Variants in ANKRD30BL observed in about 807,000 individuals in gnomAD.
The protein encoded by ANKRD30BL is ankyrin repeat domain 30B like.
Under a neutral mutation model 18.4 loss-of-function variants are expected in ANKRD30BL, and 20 were observed. The observed-to-expected ratio is 1.09, with a 90% CI of 0.77 to 1.58. The LOEUF (loss-of-function observed/expected upper bound fraction) is 1.58. Among genes scored for constraint, ANKRD30BL ranks in the 40% most tolerant of loss-of-function variants. ANKRD30BL has a pLI of 0.00. For missense variants in ANKRD30BL, 224 were observed against 268.6 expected (o/e 0.83, Z 1.16); for synonymous variants, 72 against 100.9 (o/e 0.71, Z 1.72).
intron 1 of ANKRD30BL, among the ~76,000 whole-genome samples, chr2:132,234,815 A>G (rs985679962): frequency 1.7e-4 from 26 of 152,188 alleles, no homozygotes; most frequent in African/African-American, 6.3e-4. Flanking sequence ...AAAAAGAGGG[A>G]ATCCTCCCTA....
intron 1 of ANKRD30BL, among the ~76,000 whole-genome samples, chr2:132,217,075 G>T (rs1679525407): frequency 6.6e-6 from 1 of 151,494 alleles, no homozygotes; most frequent in Non-Finnish European, 1.5e-5. Flanking sequence ...GAGACCTATG[G>T]TGGAAAAGGA....
intron 1 of ANKRD30BL, among the ~76,000 whole-genome samples, chr2:132,158,979 A>C (rs571373152): frequency 3.0e-4 from 45 of 152,124 alleles, no homozygotes; most frequent in South Asian, 6.2e-4. Flanking sequence ...TGCTCTTCCC[A>C]AAAATTTTTC....
chr2:132,157,279 C>A, intron 2 of ANKRD30BL, 30 bp downstream of exon 2: 1 of 844,598 alleles, frequency 1.2e-6, no homozygotes, highest in Non-Finnish European at 2.0e-6. Flanking sequence ...CCAAATCCAT[C>A]TCCTGCTGAA....
At chr2:132,156,058 A>G (rs746068534) in intron 3 of ANKRD30BL, 1 of 151,972 alleles carries the variant, frequency 6.6e-6, no homozygotes, top group African/African-American at 2.4e-5. Context: ...TTTTTTGGCA[A>G]AATATCAGAA....
At chr2:132,255,958 G>T (rs1438877520) in intron 1 of ANKRD30BL, among the ~76,000 whole-genome samples, 1 of 152,186 alleles carries the variant, frequency 6.6e-6, no homozygotes, top group African/African-American at 2.4e-5. Flanking sequence ...GGGCTGACTG[G>T]GTTGGTTTTG....
At chr2:132,161,432 ATCCTCCCACAGCC>A in intron 1 of ANKRD30BL, 43 bp downstream of exon 1, 1 of 1,398,874 alleles carries the variant, frequency 7.1e-7, no homozygotes, top group Non-Finnish European at 9.8e-7. Context: ...TGAAGGGGCG[ATCCTCCCACAGCC>A]TCCTCCTCCT....
chr2:132,182,827 G>C (rs80167820), intron 1 of ANKRD30BL, among the ~76,000 whole-genome samples: 1 of 151,984 alleles, frequency 6.6e-6, no homozygotes, highest in Non-Finnish European at 1.5e-5. Context: ...ATATGTGAAG[G>C]TACCACATTT....
chr2:132,246,007 G>T (rs563796405), intron 1 of ANKRD30BL, among the ~76,000 whole-genome samples: 7 of 150,400 alleles, frequency 4.7e-5, no homozygotes, highest in South Asian at 2.1e-4. Context: ...TGTGATGTGC[G>T]TACTCCAACT....
chr2:132,164,431 C>CT (rs1387048404), upstream of ANKRD30BL, among the ~76,000 whole-genome samples: 3 of 152,070 alleles, frequency 2.0e-5, no homozygotes, highest in East Asian at 5.8e-4. Context: ...GCTGGGATTA[C>CT]AGGCACCCGC....
chr2:132,195,565 T>C (rs1349354458), intron 1 of ANKRD30BL, among the ~76,000 whole-genome samples: 2 of 151,388 alleles, frequency 1.3e-5, no homozygotes, highest in Non-Finnish European at 2.9e-5. Context: ...CTGAGATGGG[T>C]AAATCATCTG....
At chr2:132,200,994 A>G (rs958937314) in intron 1 of ANKRD30BL, among the ~76,000 whole-genome samples, 3 of 152,308 alleles carry the variant, frequency 2.0e-5, no homozygotes, top group Admixed American at 6.5e-5. Flanking sequence ...GATGCCACAT[A>G]TCTACAACTA....
chr2:132,194,649 T>A (rs1158973797), intron 1 of ANKRD30BL, among the ~76,000 whole-genome samples: 1 of 152,248 alleles, frequency 6.6e-6, no homozygotes, highest in Non-Finnish European at 1.5e-5. Flanking sequence ...ATCTGCACCT[T>A]AGTCTGAAGA....
At chr2:132,235,642 G>T (rs746447439) in intron 1 of ANKRD30BL, among the ~76,000 whole-genome samples, 3 of 152,164 alleles carry the variant, frequency 2.0e-5, no homozygotes, top group Non-Finnish European at 2.9e-5. Flanking sequence ...GGATGTGAAG[G>T]AACTCTTCAA....
At chr2:132,217,544 A>C (rs556468771) in intron 1 of ANKRD30BL, among the ~76,000 whole-genome samples, 1 of 151,672 alleles carries the variant, frequency 6.6e-6, no homozygotes, top group Non-Finnish European at 1.5e-5. Context: ...ACACTCTTTT[A>C]GTAGAATCTG....
chr2:132,250,029 C>A (rs1573895394), intron 1 of ANKRD30BL, among the ~76,000 whole-genome samples: 1 of 151,456 alleles, frequency 6.6e-6, no homozygotes, highest in Admixed American at 6.6e-5. Flanking sequence ...CACAAATATC[C>A]CTCTGCACAT....
At chr2:132,200,915 C>T (rs1558929803) in intron 1 of ANKRD30BL, among the ~76,000 whole-genome samples, 1 of 152,152 alleles carries the variant, frequency 6.6e-6, no homozygotes, top group Non-Finnish European at 1.5e-5. Flanking sequence ...CTGCAGTAAC[C>T]AAAACAGCAT....
chr2:132,215,446 G>A (rs1679473665), intron 1 of ANKRD30BL, among the ~76,000 whole-genome samples: 2 of 152,226 alleles, frequency 1.3e-5, no homozygotes, highest in Admixed American at 1.3e-4. Context: ...TGATTAAGCA[G>A]TTCTGAAAAA....
chr2:132,196,742 G>A (rs1270707093), intron 1 of ANKRD30BL, among the ~76,000 whole-genome samples: 1 of 151,802 alleles, frequency 6.6e-6, no homozygotes, highest in Non-Finnish European at 1.5e-5. Flanking sequence ...AGGAGTAGGA[G>A]GTTGCAGTGA....
At chr2:132,229,646 T>G (rs1436792435) in intron 1 of ANKRD30BL, among the ~76,000 whole-genome samples, 1 of 152,128 alleles carries the variant, frequency 6.6e-6, no homozygotes, top group South Asian at 2.1e-4. Flanking sequence ...GACAGAAGCA[T>G]TCTCAGAAAC....
Sources: gnomAD v4.1 joint callset for allele counts (sites outside exome capture counted in the v4.1 genomes callset) on GRCh38, gnomAD v4.1.1 for gene constraint, MANE v1.5 for transcripts, NCBI Gene and HGNC (gene_info 2026-07-23, HGNC 2026-07-21) for gene names.